SLC8A3: variants seen among roughly 807,000 people sequenced by gnomAD.
The protein encoded by SLC8A3 is sodium/calcium exchanger 3.
Under a neutral mutation model 65.4 loss-of-function variants are expected in SLC8A3, and 37 were observed. The observed-to-expected ratio is 0.57, with a 90% confidence interval of 0.44 to 0.74. The LOEUF is 0.74. Ranked by LOEUF, SLC8A3 falls within the 30% of genes least tolerant of loss-of-function variation. The probability of loss-of-function intolerance (pLI) is 0.00; values close to 1 mark genes in which losing one functional copy is unlikely to be tolerated. For missense variants in SLC8A3, 1,112 were observed against 1,172.1 expected (o/e 0.95, Z 0.75); for synonymous variants, 461 against 444.5 (o/e 1.04, Z -0.47).
At chr14:70,104,568 T>C (rs1353271228) in intron 2 of SLC8A3, among the ~76,000 whole-genome samples, 1 of 152,188 alleles carries the variant, frequency 6.6e-6, no homozygotes, top group Non-Finnish European at 1.5e-5. Flanking sequence ...GTAATATTCT[T>C]AATACATTTC....
chr14:70,144,441 C>T (rs1279617678), intron 2 of SLC8A3, among the ~76,000 whole-genome samples: 1 of 149,948 alleles, frequency 6.7e-6, no homozygotes, highest in East Asian at 2.0e-4. Context: ...ACCAGCTTGG[C>T]CAACAGGGCA....
intron 2 of SLC8A3, among the ~76,000 whole-genome samples, chr14:70,139,498 C>A (rs1178458178): frequency 6.6e-6 from 1 of 152,198 alleles, no homozygotes; most frequent in Non-Finnish European, 1.5e-5. Flanking sequence ...CCTGCAGCTT[C>A]TCGCCCAGCA....
intron 2 of SLC8A3, among the ~76,000 whole-genome samples, chr14:70,092,400 C>T (rs188113638): frequency 1.1e-3 from 165 of 152,238 alleles, no homozygotes; most frequent in Middle Eastern, 0.01. Flanking sequence ...CCTCTCAGGG[C>T]TCTTGTGTTG....
intron 2 of SLC8A3, among the ~76,000 whole-genome samples, chr14:70,088,207 G>T (rs1344235181): frequency 2.0e-5 from 3 of 152,226 alleles, no homozygotes; most frequent in Non-Finnish European, 4.4e-5. Context: ...AGAGCAGAAA[G>T]GTTGTGGGGG....
At chr14:70,088,712 C>T (rs896182065) in intron 2 of SLC8A3, among the ~76,000 whole-genome samples, 1 of 152,294 alleles carries the variant, frequency 6.6e-6, no homozygotes, top group Middle Eastern at 3.4e-3. Context: ...TCAGAGAAAT[C>T]AAATTCAAAC....
Position 70,167,526 on chromosome 14 carries a change from C to T in SLC8A3, c.897G>A (p.Gly299=). 1.9e-6 allele frequency: 3 copies of T among 1,613,996 alleles called. No homozygotes were observed. The highest frequency in any genetic ancestry group is 2.5e-6 in the Non-Finnish European group (3 of 1,180,020). ...CCTTCCCTTCCAGGGGCACCAGGTT[C>T]CCATCTAGAAAATGGGAATTCATCA... is the stretch of plus-strand genomic sequence containing the variant. The part of the protein sequence containing the change: ...GKMMNSHFLD[G]NLVPLEGKEV... Residue 299 remains glycine (G), a synonymous_variant, in exon 2 of 7, where the codon GGG becomes GGA. Coordinates refer to ENST00000356921, the MANE Select transcript of SLC8A3 (RefSeq NM_182932.3).
intron 2 of SLC8A3, among the ~76,000 whole-genome samples, chr14:70,067,185 G>A (rs894998045): frequency 6.6e-6 from 1 of 152,264 alleles, no homozygotes. Flanking sequence ...TGCCTGGGAC[G>A]CTCTTCACCG....
At chr14:70,132,816 A>G (rs1165822180) in intron 2 of SLC8A3, among the ~76,000 whole-genome samples, 1 of 152,218 alleles carries the variant, frequency 6.6e-6, no homozygotes, top group African/African-American at 2.4e-5. Flanking sequence ...CAGGAGCTCA[A>G]GTAATCACAG....
At chr14:70,055,330 A>G (rs1000926544) in intron 3 of SLC8A3, among the ~76,000 whole-genome samples, 4 of 152,144 alleles carry the variant, frequency 2.6e-5, no homozygotes, top group Admixed American at 1.3e-4. Context: ...TTCTTTAAAA[A>G]TTGCATTTCC....
At chr14:70,182,167 T>A (rs1247784842) in intron 1 of SLC8A3, among the ~76,000 whole-genome samples, 1 of 152,034 alleles carries the variant, frequency 6.6e-6, no homozygotes, top group Non-Finnish European at 1.5e-5. Flanking sequence ...TGACTGGAAG[T>A]TTGTTGGTGC....
intron 2 of SLC8A3, among the ~76,000 whole-genome samples, chr14:70,082,768 G>A (rs1341638960): frequency 6.6e-6 from 1 of 152,110 alleles, no homozygotes; most frequent in Non-Finnish European, 1.5e-5. Context: ...TGAACCAAAG[G>A]GAAAATGAAA....
At chr14:70,156,766 G>A (rs1481068262) in intron 2 of SLC8A3, among the ~76,000 whole-genome samples, 1 of 152,148 alleles carries the variant, frequency 6.6e-6, no homozygotes, top group Non-Finnish European at 1.5e-5. Flanking sequence ...GGGTGGGGAG[G>A]GAGAGCCTCA....
intron 2 of SLC8A3, among the ~76,000 whole-genome samples, chr14:70,147,419 G>A (rs1026334475): frequency 6.6e-6 from 1 of 152,108 alleles, no homozygotes; most frequent in African/African-American, 2.4e-5. Flanking sequence ...CCTTCTCTCC[G>A]CAAGAACATG....
At chr14:70,177,584 C>T (rs1897985149) in intron 1 of SLC8A3, among the ~76,000 whole-genome samples, 1 of 152,164 alleles carries the variant, frequency 6.6e-6, no homozygotes, top group African/African-American at 2.4e-5. Context: ...GACAGTGCAT[C>T]TCAAACAAAG....
intron 2 of SLC8A3, among the ~76,000 whole-genome samples, chr14:70,075,468 C>T (rs1309853873): frequency 6.6e-6 from 1 of 152,120 alleles, no homozygotes; most frequent in Non-Finnish European, 1.5e-5. Context: ...TTGAACTGTG[C>T]TCTGGAAAGG....
At chr14:70,054,886 T>A (rs1228608006) in intron 3 of SLC8A3, among the ~76,000 whole-genome samples, 1 of 152,186 alleles carries the variant, frequency 6.6e-6, no homozygotes, top group Admixed American at 6.5e-5. Context: ...GCCTCTTAAG[T>A]GGCCTTAACA....
intron 1 of SLC8A3, among the ~76,000 whole-genome samples, chr14:70,174,690 T>TA (rs1897788417): frequency 1.7e-5 from 2 of 115,394 alleles, no homozygotes; most frequent in East Asian, 4.5e-4. Context: ...TTTTTTTTTT[T>TA]GCCTATTAAG....
intron 2 of SLC8A3, among the ~76,000 whole-genome samples, chr14:70,156,914 A>C (rs1475625575): frequency 1.3e-5 from 2 of 152,230 alleles, no homozygotes; most frequent in African/African-American, 4.8e-5. Flanking sequence ...AGTGTACCTG[A>C]AAACGACGGA....
intron 2 of SLC8A3, among the ~76,000 whole-genome samples, chr14:70,158,321 C>T (rs1377334178): frequency 1.3e-5 from 2 of 152,240 alleles, no homozygotes; most frequent in East Asian, 1.9e-4. Context: ...CTCAGAAAGA[C>T]GTTTGGAGAT....
Sources: gnomAD v4.1 joint callset for allele counts (sites outside exome capture counted in the v4.1 genomes callset) on GRCh38, gnomAD v4.1.1 for gene constraint, MANE v1.5 for transcripts, NCBI Gene and HGNC (gene_info 2026-07-23, HGNC 2026-07-21) for gene names.